Variants in CDH12 observed in about 807,000 individuals in gnomAD.
The protein encoded by CDH12 is cadherin-12.
In CDH12, 41 loss-of-function variants were observed where a neutral mutation model predicts 74.1. The ratio of observed to expected loss-of-function variants is 0.55; its 90% confidence interval spans 0.43 to 0.72. CDH12 has a LOEUF of 0.72. CDH12 is among the 30% of genes least tolerant of loss of function. The pLI, the probability that CDH12 is intolerant of heterozygous loss-of-function variation, is 0.00. For missense variants in CDH12, 945 were observed against 977.2 expected (o/e 0.97, Z 0.44); for synonymous variants, 399 against 355.0 (o/e 1.12, Z -1.39).
intron 6 of CDH12, among the ~76,000 whole-genome samples, chr5:21,960,771 T>C (rs1474447190): frequency 6.6e-6 from 1 of 152,000 alleles, no homozygotes; most frequent in Non-Finnish European, 1.5e-5. Context: ...TAGGTATTTA[T>C]ATGTTTGCCT....
rs538907983 is a variant in CDH12, at chr5:21,812,352, C to A, written c.1002+4593G>T. Among the ~76,000 whole-genome samples, 6 of 152,062 alleles carry A rather than the reference C, an allele frequency of 3.9e-5. No individual in the cohort carries two copies. In the East Asian group the frequency reaches 1.2e-3, roughly 29 times the overall value. On this transcript the variant is annotated intron_variant, in intron 9 of 14. Transcript: ENST00000382254. Reference sequence around the variant, plus strand: ...ATGAATCTGATTTTATATCAGAATTCTTGTATTGCAATATTGAAGGGAAAA... The same window carrying A: ...ATGAATCTGATTTTATATCAGAATTATTGTATTGCAATATTGAAGGGAAAA...
chr5:22,354,098 T>C (rs1250682749), intron 3 of CDH12, among the ~76,000 whole-genome samples: 1 of 152,196 alleles, frequency 6.6e-6, no homozygotes, highest in Non-Finnish European at 1.5e-5. Context: ...GAGAGTGGCC[T>C]ATGTTCTTGA....
intron 6 of CDH12, among the ~76,000 whole-genome samples, chr5:21,898,475 G>A (rs1368925355): frequency 2.6e-5 from 4 of 152,050 alleles, no homozygotes; most frequent in African/African-American, 9.7e-5. Flanking sequence ...GGCTGAGGCG[G>A]GCGGATCAGG....
At chr5:22,057,161 T>C (rs141161652) in intron 5 of CDH12, among the ~76,000 whole-genome samples, 15 of 152,280 alleles carry the variant, frequency 9.9e-5, no homozygotes, top group African/African-American at 1.4e-4. Flanking sequence ...AACTTCACCA[T>C]TGTAGTGTGA....
At position 22,519,568 on chromosome 5, in the gene CDH12, C is replaced by G. The variant is rs772743730; in HGVS notation, c.-522-14204G>C. Among the ~76,000 whole-genome samples, 3 of 151,766 alleles carry G rather than the reference C, an allele frequency of 2.0e-5. No homozygotes were observed. The East Asian group carries it at 5.8e-4, about 30-fold the overall frequency. ...CCTCCTGAGTAGCTGGGACTACAGGCGCCCGTCACCACACCCGGCTAATTT... is the reference window on the plus strand; with the variant it reads ...CCTCCTGAGTAGCTGGGACTACAGGGGCCCGTCACCACACCCGGCTAATTT... On this transcript the variant is annotated intron_variant, in intron 1 of 14. Coordinates refer to ENST00000382254, the MANE Select transcript of CDH12 (RefSeq NM_004061.5).
At position 22,226,425 on chromosome 5, in the gene CDH12, T is replaced by C. The variant is rs116112537; in HGVS notation, c.-332-13782A>G. The stretch of plus-strand genomic sequence containing the variant: ...GAAACAAGAGGGGATGCCACTGGCT[T>C]AAATATGGATGGTGGGGGGAAGAAC... On this transcript the variant is annotated intron_variant, in intron 3 of 14. Coordinates refer to ENST00000382254, the MANE Select transcript of CDH12 (RefSeq NM_004061.5). Among the ~76,000 whole-genome samples, 758 of 150,578 alleles carry C rather than the reference T, an allele frequency of 5.0e-3. 8 individuals are homozygous for C. Among genetic ancestry groups the C allele is most frequent in the African/African-American group, 0.018 (729 of 41,026 alleles).
chr5:22,658,486 A>T (rs1382929874), intron 1 of CDH12, among the ~76,000 whole-genome samples: 3 of 152,110 alleles, frequency 2.0e-5, no homozygotes, highest in Non-Finnish European at 4.4e-5. Flanking sequence ...TTTAAATTAC[A>T]AGTCTGACTA....
At chr5:22,798,514 A>G (rs1196334962) in intron 1 of CDH12, among the ~76,000 whole-genome samples, 1 of 150,982 alleles carries the variant, frequency 6.6e-6, no homozygotes, top group Non-Finnish European at 1.5e-5. Context: ...AATTTCTAAT[A>G]TGGTAAATAT....
chr5:22,392,261 T>C (rs1172170470), intron 3 of CDH12, among the ~76,000 whole-genome samples: 1 of 152,130 alleles, frequency 6.6e-6, no homozygotes. Flanking sequence ...TGAAGTTGTG[T>C]TGGTTAATTT....
At chr5:22,136,958 G>T (rs925388662) in intron 4 of CDH12, among the ~76,000 whole-genome samples, 1 of 151,440 alleles carries the variant, frequency 6.6e-6, no homozygotes, top group African/African-American at 2.4e-5. Flanking sequence ...AAGATGAAAT[G>T]ATCAGTAGCA....
intron 1 of CDH12, among the ~76,000 whole-genome samples, chr5:22,735,088 T>C (rs1203650336): frequency 7.2e-5 from 11 of 151,912 alleles, no homozygotes; most frequent in African/African-American, 1.9e-4. Context: ...ATTTATAAGT[T>C]GTGTGACCTT....
chr5:22,541,165 A>G (rs1738082964), intron 1 of CDH12, among the ~76,000 whole-genome samples: 1 of 152,176 alleles, frequency 6.6e-6, no homozygotes, highest in Non-Finnish European at 1.5e-5. Flanking sequence ...CAAGCCATCA[A>G]AGATCCCACC....
At chr5:22,158,738 A>C (rs1016295076) in intron 4 of CDH12, among the ~76,000 whole-genome samples, 6 of 152,110 alleles carry the variant, frequency 3.9e-5, no homozygotes, top group African/African-American at 1.4e-4. Flanking sequence ...TACATGTTTA[A>C]ATAAAAGACT....
chr5:22,223,556 C>T (rs1752089492), intron 3 of CDH12, among the ~76,000 whole-genome samples: 1 of 152,016 alleles, frequency 6.6e-6, no homozygotes, highest in Non-Finnish European at 1.5e-5. Flanking sequence ...TTACATTAGA[C>T]ATCCCCACTG....
At chr5:22,100,185 G>T (rs911611454) in intron 4 of CDH12, among the ~76,000 whole-genome samples, 5 of 152,008 alleles carry the variant, frequency 3.3e-5, no homozygotes, top group Admixed American at 1.3e-4. Flanking sequence ...AAAATATTGT[G>T]TCTGTTTCAG....
intron 6 of CDH12, among the ~76,000 whole-genome samples, chr5:21,947,488 C>T (rs1401611544): frequency 6.6e-6 from 1 of 152,210 alleles, no homozygotes; most frequent in Non-Finnish European, 1.5e-5. Flanking sequence ...ATCACTCTTA[C>T]TCTGCCTTAG....
At chr5:22,665,286 T>C (rs1339218834) in intron 1 of CDH12, among the ~76,000 whole-genome samples, 1 of 152,174 alleles carries the variant, frequency 6.6e-6, no homozygotes, top group African/African-American at 2.4e-5. Context: ...ATTGTATATG[T>C]TTTCATCAAG....
intron 5 of CDH12, among the ~76,000 whole-genome samples, chr5:21,982,269 T>G (rs900363137): frequency 1.3e-5 from 2 of 152,102 alleles, no homozygotes; most frequent in African/African-American, 4.8e-5. Flanking sequence ...ATTTTTTTTC[T>G]GCCTTTTGAC....
At chr5:22,269,014 GCTTTATGAACCT>G (rs1311227316) in intron 3 of CDH12, among the ~76,000 whole-genome samples, 18 of 152,138 alleles carry the variant, frequency 1.2e-4, no homozygotes, top group Admixed American at 9.8e-4. Context: ...CCCATTAGAT[GCTTTATGAACCT>G]GGACAAATTT....
Sources: gnomAD v4.1 joint callset for allele counts (sites outside exome capture counted in the v4.1 genomes callset) on GRCh38, gnomAD v4.1.1 for gene constraint, MANE v1.5 for transcripts, NCBI Gene and HGNC (gene_info 2026-07-23, HGNC 2026-07-21) for gene names.